Variants in ZMAT4 observed in about 807,000 individuals in gnomAD.
ZMAT4 encodes the protein zinc finger matrin-type 4.
In ZMAT4, 17 loss-of-function variants were observed where a neutral mutation model predicts 28.7. That is an observed-to-expected ratio of 0.59 (90% CI 0.41 to 0.89). The LOEUF (loss-of-function observed/expected upper bound fraction) is 0.89, where lower values mean the gene tolerates loss of function less well. Among genes scored for constraint, ZMAT4 ranks in the 40% least tolerant of loss-of-function variants. ZMAT4 has a pLI of 0.00. For synonymous variants in ZMAT4, 117 were observed against 109.2 expected (o/e 1.07, Z -0.44); for missense variants, 240 against 283.8 (o/e 0.85, Z 1.11).
chr8:40,675,148 C>T (rs562073880), intron 4 of ZMAT4, among the ~76,000 whole-genome samples: 14 of 152,248 alleles, frequency 9.2e-5, no homozygotes, highest in African/African-American at 3.4e-4. Flanking sequence ...GTTTGCATGT[C>T]GTTATACCAA....
intron 1 of ZMAT4, among the ~76,000 whole-genome samples, chr8:40,826,190 C>G (rs1816032394): frequency 6.6e-6 from 1 of 152,116 alleles, no homozygotes; most frequent in Non-Finnish European, 1.5e-5. Context: ...CCTAATATAT[C>G]CAACAATAGA....
At chr8:40,645,751 G>A (rs1480109180) in intron 5 of ZMAT4, among the ~76,000 whole-genome samples, 1 of 152,018 alleles carries the variant, frequency 6.6e-6, no homozygotes, top group Non-Finnish European at 1.5e-5. Flanking sequence ...TTCATGGCAG[G>A]TGCAATTTTC....
intron 2 of ZMAT4, among the ~76,000 whole-genome samples, chr8:40,814,312 T>C (rs371275165): frequency 6.6e-6 from 1 of 152,232 alleles, no homozygotes; most frequent in East Asian, 1.9e-4. Context: ...GGATTCCCCA[T>C]CCTGTTAATA....
chr8:40,658,118 A>G (rs1207925253), intron 5 of ZMAT4, among the ~76,000 whole-genome samples: 1 of 151,834 alleles, frequency 6.6e-6, no homozygotes, highest in Non-Finnish European at 1.5e-5. Context: ...TTTTGTTTCT[A>G]TTGCTGATTA....
chr8:40,583,648 T>C (rs1310119561), intron 5 of ZMAT4, among the ~76,000 whole-genome samples: 1 of 152,184 alleles, frequency 6.6e-6, no homozygotes, highest in Non-Finnish European at 1.5e-5. Context: ...TGACACAGCC[T>C]CAGGAGGTCC....
chr8:40,670,927 C>T (rs908041924), intron 5 of ZMAT4, among the ~76,000 whole-genome samples: 2 of 151,972 alleles, frequency 1.3e-5, no homozygotes, highest in East Asian at 3.9e-4. Context: ...ATTAGCTGGG[C>T]GTGGTGGCAC....
At chr8:40,869,893 T>C (rs937664134) in intron 1 of ZMAT4, among the ~76,000 whole-genome samples, 19 of 152,208 alleles carry the variant, frequency 1.2e-4, no homozygotes, top group African/African-American at 4.6e-4. Context: ...TCTTTCTTAC[T>C]GTGCTTGTCC....
chr8:40,660,339 A>G (rs775968434), intron 5 of ZMAT4, among the ~76,000 whole-genome samples: 5 of 152,226 alleles, frequency 3.3e-5, no homozygotes, highest in Non-Finnish European at 7.3e-5. Context: ...AAGTTTTCCT[A>G]TTCTTACAGT....
chr8:40,550,079 T>A (rs2722460), intron 6 of ZMAT4, among the ~76,000 whole-genome samples: 107,766 of 152,038 alleles, frequency 0.71, 43,097 homozygotes, highest in East Asian at 1. Context: ...TGTCTCACAG[T>A]ACTTTCCCTA....
At chr8:40,532,564 C>A (rs1056235550) in intron 6 of ZMAT4, among the ~76,000 whole-genome samples, 42 of 152,130 alleles carry the variant, frequency 2.8e-4, no homozygotes, top group African/African-American at 8.7e-4. Flanking sequence ...ATACACCCAT[C>A]TTTAAGTTTC....
intron 2 of ZMAT4, among the ~76,000 whole-genome samples, chr8:40,807,137 AC>A (rs774920581): frequency 0.04 from 3,090 of 76,342 alleles, 113 homozygotes; most frequent in African/African-American, 0.1. Flanking sequence ...TGGGGTGAGG[AC>A]AAAAAAAAAA....
intron 1 of ZMAT4, among the ~76,000 whole-genome samples, chr8:40,827,606 TCA>T (rs1459113255): frequency 1.1e-4 from 16 of 152,250 alleles, no homozygotes; most frequent in South Asian, 8.3e-4. Flanking sequence ...TCAAAAGGAT[TCA>T]CAGTTTCTGC....
intron 5 of ZMAT4, among the ~76,000 whole-genome samples, chr8:40,629,044 C>T (rs1806477529): frequency 6.6e-6 from 1 of 150,452 alleles, no homozygotes; most frequent in Non-Finnish European, 1.5e-5. Flanking sequence ...TTTGTTCATC[C>T]CTTCGCCCTC....
Position 40,700,497 on chromosome 8 carries a change from A to T in ZMAT4, c.193-3096T>A, listed in dbSNP as rs1324022554. On this transcript the variant is annotated intron_variant, in intron 3 of 6. Transcript: ENST00000297737. Reference sequence around the variant, plus strand: ...CAGTGGTGCTATCGTAGCTCATTATAGCCTGGAACTCCTTAGGTTCAAGCA... The same window carrying T: ...CAGTGGTGCTATCGTAGCTCATTATTGCCTGGAACTCCTTAGGTTCAAGCA... Among the ~76,000 whole-genome samples the T allele has an allele frequency of 2.9e-5, 4 of 139,568 alleles. No homozygotes were observed. In the East Asian group the frequency reaches 8.8e-4, roughly 31 times the overall value. The allele number at this position is 139,568 out of a possible 152,430, so 91.6% of individuals were successfully genotyped here.
chr8:40,672,556 G>A (rs1412170446), intron 5 of ZMAT4, among the ~76,000 whole-genome samples: 1 of 152,260 alleles, frequency 6.6e-6, no homozygotes. Context: ...TGAAAGACAA[G>A]CTGCTCAAAT....
intron 5 of ZMAT4, among the ~76,000 whole-genome samples, chr8:40,583,684 G>A (rs1343257358): frequency 6.6e-6 from 1 of 152,182 alleles, no homozygotes; most frequent in Non-Finnish European, 1.5e-5. Flanking sequence ...AAAGTGGTCA[G>A]GGTACAGCTT....
Position 40,531,107 on chromosome 8 carries a change from A to G in ZMAT4, c.*1116T>C, listed in dbSNP as rs1049016744. The G allele has an allele frequency of 2.0e-5, 3 of 152,592 alleles. No individual in the cohort carries two copies. Among genetic ancestry groups the G allele is most frequent in the Admixed American group, 6.5e-5 (1 of 15,270 alleles). The allele number at this position is 152,592 out of a possible 1,614,324, so 9.5% of individuals were successfully genotyped here. A position where few individuals can be genotyped will look rare whatever the true frequency, so the allele number is the denominator to read the frequency against. ...AAGCTCAACGTCCCACTTCGTAACC[A>G]GGCTACAAGACACCAAGTCCGGTCA... On this transcript the variant is annotated 3_prime_UTR_variant, in exon 7 of 7. Coordinates refer to ENST00000297737, the MANE Select transcript of ZMAT4 (RefSeq NM_024645.3).
chr8:40,767,038 G>A (rs181449961), intron 3 of ZMAT4, among the ~76,000 whole-genome samples: 6 of 152,240 alleles, frequency 3.9e-5, no homozygotes, highest in Admixed American at 1.3e-4. Flanking sequence ...TGGGAGGAAG[G>A]AATATTTATT....
chr8:40,559,311 T>C (rs987777681), intron 6 of ZMAT4, among the ~76,000 whole-genome samples: 2 of 152,120 alleles, frequency 1.3e-5, no homozygotes, highest in African/African-American at 4.8e-5. Context: ...CAGGGCCTAA[T>C]TATAATACTT....
Sources: gnomAD v4.1 joint callset for allele counts (sites outside exome capture counted in the v4.1 genomes callset) on GRCh38, gnomAD v4.1.1 for gene constraint, MANE v1.5 for transcripts, NCBI Gene and HGNC (gene_info 2026-07-23, HGNC 2026-07-21) for gene names.